SAMD10: variants seen among roughly 807,000 people sequenced by gnomAD.
The protein encoded by SAMD10 is sterile alpha motif domain containing 10, also known as sterile alpha motif domain-containing protein 10.
In SAMD10, 16 loss-of-function variants were observed where a neutral mutation model predicts 22.5. The ratio of observed to expected loss-of-function variants is 0.71; its 90% CI spans 0.48 to 1.08. SAMD10 has a LOEUF of 1.08. SAMD10 is among the 50% of genes least tolerant of loss of function. The pLI is 0.00. For missense variants in SAMD10, 227 were observed against 281.3 expected (o/e 0.81, Z 1.38); for synonymous variants, 118 against 122.2 (o/e 0.97, Z 0.23).
At position 63,975,231 on chromosome 20, in the gene SAMD10, A is replaced by C. The variant is rs2059013326; in HGVS notation, c.*279T>G. 2 of 511,832 alleles carry C rather than the reference A, an allele frequency of 3.9e-6. No individual in the cohort carries two copies. The highest frequency in any genetic ancestry group is 6.8e-6 in the Non-Finnish European group (2 of 292,232). The allele number at this position is 511,832 out of a possible 1,614,324, so 31.7% of individuals were successfully genotyped here. On this transcript the variant is annotated 3_prime_UTR_variant, in exon 5 of 5. Transcript: ENST00000369886. ...GGTTCTGGCTCCAGGCAGCTGCCCCACATGCTGCCAGCTGCACCAGGGGAG... is the reference window on the plus strand; with the variant it reads ...GGTTCTGGCTCCAGGCAGCTGCCCCCCATGCTGCCAGCTGCACCAGGGGAG...
At chr20:63,976,778 AAAAAAAAAAAAAAG>A in intron 3 of SAMD10, among the ~76,000 whole-genome samples, 179 bp downstream of exon 3, 1 of 151,188 alleles carries the variant, frequency 6.6e-6, no homozygotes. Flanking sequence ...AAAAAAAAAA[AAAAAAAAAAAAAAG>A]AAAGGCAGAG....
At chr20:63,978,941 G>C (rs1380389973) in intron 1 of SAMD10, among the ~76,000 whole-genome samples, 1 of 152,156 alleles carries the variant, frequency 6.6e-6, no homozygotes, top group Non-Finnish European at 1.5e-5. Flanking sequence ...CTGCACTCCC[G>C]GAGGGAGTTC....
rs1461162362 is a variant in SAMD10 at position 63,978,149 on chromosome 20, G to C, written c.92-743C>G. On this transcript the variant is annotated intron_variant, in intron 1 of 4. Transcript: ENST00000369886. ...TATGTGGGGTGCAGCCATTGCTTGG[G>C]GACCCACGGTGATGCTCTGTGCTCC... The C allele has an allele frequency of 8.9e-6, 4 of 448,246 alleles. No individual in the cohort carries two copies. The Admixed American group carries it at 1.1e-4, about 12-fold the overall frequency. The allele number at this position is 448,246 out of a possible 1,614,324, so 27.8% of individuals were successfully genotyped here.
In SAMD10 at chr20:63,975,898, T is replaced by C. The variant is rs1285804751; in HGVS notation, c.446-66A>G. The stretch of plus-strand genomic sequence containing the variant: ...GCATCAAGAGCCAAGGCAAGGCTGG[T>C]GCCATGGCTCATGCCTGTGATCCCA... On this transcript the variant is annotated intron_variant, in intron 3 of 4. Coordinates refer to ENST00000369886, the MANE Select transcript of SAMD10 (RefSeq NM_080621.5). 2.1e-5 allele frequency: 31 copies of C among 1,459,352 alleles called. No individual in the cohort carries two copies. The East Asian group carries it at 8.1e-4, about 38-fold the overall frequency. 90.4% of individuals were successfully genotyped at this position (1,459,352 alleles called of 1,614,324 possible).
intron 1 of SAMD10, among the ~76,000 whole-genome samples, chr20:63,978,891 G>T (rs557796406): frequency 6.6e-6 from 1 of 152,314 alleles, no homozygotes; most frequent in South Asian, 2.1e-4. Flanking sequence ...CAGCCCGCAC[G>T]GCACCTGCCC....
chr20:63,978,518 C>CA (rs1294318552), intron 1 of SAMD10, among the ~76,000 whole-genome samples: 1 of 152,166 alleles, frequency 6.6e-6, no homozygotes, highest in African/African-American at 2.4e-5. Flanking sequence ...CAGCCACCCA[C>CA]TCCACACCCA....
Position 63,979,448 on chromosome 20 carries a change from G to C in SAMD10, c.20C>G (p.Ser7Cys). The change falls in exon 1 of 5, where the codon TCC becomes TGC. Residue 7 changes from serine to cysteine, a missense_variant. By Grantham distance (112) the Ser-to-Cys change is moderately radical. Transcript: ENST00000369886. This position sits in a 1 kb window ranked among gnomAD's most constrained non-coding sequence, Gnocchi z 7.7. MFTELR[S>C]KLSPPRGRAG... ...GCGGCCACGCGGGGGGCTCAGCTTG[G>C]ACCTCAGCTCGGTGAACATGGGGCC... The C allele has an allele frequency of 6.8e-7, 1 of 1,463,300 alleles. No homozygotes were observed. Among genetic ancestry groups the C allele is most frequent in the Admixed American group, 2.5e-5 (1 of 40,322 alleles). 90.6% of individuals were successfully genotyped at this position (1,463,300 alleles called of 1,614,324 possible).
In SAMD10 at chr20:63,977,016, T is replaced by A. The variant is rs775919757; in HGVS notation, c.400A>T (p.Asn134Tyr). Residue 134 changes from asparagine (N) to tyrosine (Y), a missense_variant, in exon 3 of 5, where the codon AAC (asparagine) becomes TAC (tyrosine). Coordinates refer to ENST00000369886, the MANE Select transcript of SAMD10 (RefSeq NM_080621.5). The surrounding 1 kb of genome is among the most constrained non-coding windows in gnomAD (Gnocchi z 5.4). ...AAGGCCTCCACGTAGACGAGGTAGT[T>A]GTGGGGACAGTGCTTCTTGAGCCAC... ...CKWLKKHCPH[N>Y]YLVYVEAFSQ... 14 of 1,614,100 alleles carry A rather than the reference T, an allele frequency of 8.7e-6. No homozygotes were observed. The East Asian group carries it at 1.8e-4, about 21-fold the overall frequency.
At chr20:63,979,779 G>C, upstream of SAMD10, 1 of 793,004 alleles carries the variant, frequency 1.3e-6, no homozygotes, top group Non-Finnish European at 1.5e-6. This position sits in a 1 kb window ranked among gnomAD's most constrained non-coding sequence, Gnocchi z 7.7. Context: ...TGAACCTGCC[G>C]GGCGTCCTCT....
intron 1 of SAMD10, chr20:63,978,161 A>T: frequency 4.0e-6 from 2 of 494,702 alleles, no homozygotes; most frequent in Non-Finnish European, 7.5e-6. Flanking sequence ...ACCCACGGTG[A>T]TGCTCTGTGC....
Position 63,979,360 on chromosome 20 carries a change from A to G in SAMD10, c.91+17T>C. 1 of 1,347,638 alleles carries G rather than the reference A, an allele frequency of 7.4e-7. No individual in the cohort carries two copies. The highest frequency in any genetic ancestry group is 1.3e-5 in the South Asian group (1 of 74,156). 83.5% of individuals were successfully genotyped at this position (1,347,638 alleles called of 1,614,324 possible). The stretch of plus-strand genomic sequence containing the variant: ...CCCGCCCGAGAAATCCCCGCTCCCC[A>G]ATCCAGCCCCGCTCACCGTCCACAT... On this transcript the variant is annotated intron_variant, in intron 1 of 4. Transcript: ENST00000369886. The surrounding 1 kb of genome is among the most constrained non-coding windows in gnomAD (Gnocchi z 7.7).
Position 63,975,755 on chromosome 20 carries a change from G to C in SAMD10, c.523C>G (p.Leu175Val). ...ACCTGCAGGCGGAGCACCTGCTGCA[G>C]CACCTCCTGCCTCTGGGCCTCCTGG... The part of the protein sequence containing the change: ...LAQEAQRQEV[L>V]QQVLRLQVRE... Residue 175 changes from leucine (L) to valine (V), a missense_variant, in exon 4 of 5, where the codon CTG becomes GTG. By Grantham distance (32) the Leu-to-Val change is conservative (BLOSUM62 1). Coordinates refer to ENST00000369886, the MANE Select transcript of SAMD10 (RefSeq NM_080621.5). 1 of 1,604,486 alleles carries C rather than the reference G, an allele frequency of 6.2e-7. No individual in the cohort carries two copies. The highest frequency in any genetic ancestry group is 1.3e-5 in the African/African-American group (1 of 74,968).
At position 63,975,375 on chromosome 20, in the gene SAMD10, G is replaced by C. The variant is rs2059014623; in HGVS notation, c.*135C>G. The C allele has an allele frequency of 3.7e-6, 4 of 1,077,862 alleles. No homozygotes were observed. The highest frequency in any genetic ancestry group is 5.5e-6 in the Non-Finnish European group (4 of 723,688). 66.8% of individuals were successfully genotyped at this position (1,077,862 alleles called of 1,614,324 possible). A position where few individuals can be genotyped will look rare whatever the true frequency, so the allele number is the denominator to read the frequency against. ...CGCCTGGAGGTGTGATCCTGGTCCT[G>C]TCTGTCCGTTGGGCCAGCCTGGCCG... On this transcript the variant is annotated 3_prime_UTR_variant, in exon 5 of 5. Coordinates refer to ENST00000369886, the MANE Select transcript of SAMD10 (RefSeq NM_080621.5).
In SAMD10 at chr20:63,977,990, T is replaced by C. The variant is rs1392613073; in HGVS notation, c.92-584A>G. ...TTGACAGCCTGAACTGTGGGCCAACTGACAAGCAGGGCTCACTCCGCAAAC... is the reference window on the plus strand; with the variant it reads ...TTGACAGCCTGAACTGTGGGCCAACCGACAAGCAGGGCTCACTCCGCAAAC... On this transcript the variant is annotated intron_variant, in intron 1 of 4. Transcript: ENST00000369886. The surrounding 1 kb of genome is among the most constrained non-coding windows in gnomAD (Gnocchi z 5.4). 6.6e-6 allele frequency among the ~76,000 whole-genome samples: 1 copy of C among 152,204 alleles called. No individual in the cohort carries two copies. Among genetic ancestry groups the C allele is most frequent in the Non-Finnish European group, 1.5e-5 (1 of 68,030 alleles).
At chr20:63,975,963 AG>A in intron 3 of SAMD10, 131 bp from the exon 4 acceptor site, 1 of 937,452 alleles carries the variant, frequency 1.1e-6, no homozygotes, top group Middle Eastern at 3.4e-4. Context: ...ACTTGAGGTC[AG>A]GAGTTCAAGA....
chr20:63,978,848 G>C (rs985254142), intron 1 of SAMD10, among the ~76,000 whole-genome samples: 1 of 152,190 alleles, frequency 6.6e-6, no homozygotes, highest in Non-Finnish European at 1.5e-5. Context: ...GTGCAGAAGC[G>C]CGCGGCAGTC....
At chr20:63,976,486 G>A (rs1177373134) in intron 3 of SAMD10, among the ~76,000 whole-genome samples, 3 of 151,592 alleles carry the variant, frequency 2.0e-5, no homozygotes, top group African/African-American at 7.3e-5. Context: ...GAGAGGTCCG[G>A]ACGCAGTGGC....
In SAMD10 at chr20:63,974,320, G is replaced by A. The variant is rs1388486145; in HGVS notation, c.*1190C>T. On this transcript the variant is annotated 3_prime_UTR_variant, in exon 5 of 5. Coordinates refer to ENST00000369886, the MANE Select transcript of SAMD10 (RefSeq NM_080621.5). ...TACTTGCGCAGCCACACAGGGGCAG[G>A]GATGAGGGTCTCCCCGTGGTGGGGG... The A allele has an allele frequency of 6.6e-6, 1 of 152,558 alleles. No individual in the cohort carries two copies. Among genetic ancestry groups the A allele is most frequent in the African/African-American group, 2.4e-5 (1 of 41,446 alleles). 9.5% of individuals were successfully genotyped at this position (152,558 alleles called of 1,614,324 possible).
chr20:63,975,952 C>T, intron 3 of SAMD10, 120 bp from the exon 4 acceptor site: 1 of 1,094,634 alleles, frequency 9.1e-7, no homozygotes, highest in Non-Finnish European at 1.2e-6. Flanking sequence ...GCGGGCAGAT[C>T]ACTTGAGGTC....
Sources: gnomAD v4.1 joint callset for allele counts (sites outside exome capture counted in the v4.1 genomes callset) on GRCh38, gnomAD v4.1.1 for gene constraint, Gnocchi (gnomAD v3.1) non-coding constraint, MANE v1.5 for transcripts, NCBI Gene and HGNC (gene_info 2026-07-23, HGNC 2026-07-21) for gene names.